The following L3MBTL4 variants were observed in gnomAD, a reference collection of about 807,000 sequenced individuals.
L3MBTL4 encodes L3MBTL histone methyl-lysine binding protein 4.
In L3MBTL4, 70 loss-of-function variants were observed where a neutral mutation model predicts 84.5. The observed-to-expected ratio is 0.83, with a 90% CI of 0.68 to 1.01. The LOEUF (loss-of-function observed/expected upper bound fraction) is 1.01. Among genes scored for constraint, L3MBTL4 ranks in the 50% least tolerant of loss-of-function variants. The probability of loss-of-function intolerance (pLI) is 0.00; values close to 1 mark genes in which losing one functional copy is unlikely to be tolerated. For synonymous variants in L3MBTL4, 274 were observed against 259.8 expected (o/e 1.05, Z -0.52); for missense variants, 715 against 754.8 (o/e 0.95, Z 0.62).
chr18:6,011,047 T>C (rs2054712243), intron 16 of L3MBTL4, among the ~76,000 whole-genome samples: 1 of 152,234 alleles, frequency 6.6e-6, no homozygotes, highest in African/African-American at 2.4e-5. Context: ...GATAATGACT[T>C]TGCTAAGTGC....
At chr18:6,257,432 C>T (rs918538116) in intron 5 of L3MBTL4, among the ~76,000 whole-genome samples, 5 of 151,236 alleles carry the variant, frequency 3.3e-5, no homozygotes, top group Admixed American at 6.6e-5. Context: ...GGTCAGGTTG[C>T]GGAGGCTGGA....
intron 4 of L3MBTL4, among the ~76,000 whole-genome samples, chr18:6,283,825 C>G (rs2049431385): frequency 6.6e-6 from 1 of 152,124 alleles, no homozygotes; most frequent in Admixed American, 6.5e-5. Flanking sequence ...AGTGGCAAAA[C>G]CAAAATTCAG....
chr18:5,975,992 A>G (rs1244521153), intron 16 of L3MBTL4, among the ~76,000 whole-genome samples: 2 of 152,240 alleles, frequency 1.3e-5, no homozygotes, highest in East Asian at 3.8e-4. Context: ...CCAATTTTAT[A>G]TAAATATGGG....
chr18:6,264,124 A>G, intron 4 of L3MBTL4, 86 bp from the exon 5 acceptor site: 1 of 963,214 alleles, frequency 1.0e-6, no homozygotes, highest in Middle Eastern at 2.2e-4. Context: ...CTCAAGAAGC[A>G]GGCTAATTAG....
chr18:6,023,679 G>GT (rs2055370168), intron 16 of L3MBTL4, among the ~76,000 whole-genome samples: 1 of 152,198 alleles, frequency 6.6e-6, no homozygotes, highest in African/African-American at 2.4e-5. Flanking sequence ...TAAAGTAATT[G>GT]TAACTGAAAA....
intron 16 of L3MBTL4, among the ~76,000 whole-genome samples, chr18:5,989,555 C>T (rs1598372467): frequency 6.6e-6 from 1 of 152,174 alleles, no homozygotes; most frequent in Non-Finnish European, 1.5e-5. Flanking sequence ...GTAGAGCAAA[C>T]ATGCAAACAA....
chr18:6,405,613 C>A (rs1185438434), intron 1 of L3MBTL4, among the ~76,000 whole-genome samples: 2 of 151,610 alleles, frequency 1.3e-5, no homozygotes, highest in East Asian at 3.9e-4. Flanking sequence ...AGCCCGAGGG[C>A]CCACTAAACA....
chr18:6,117,628 T>C (rs986277976), intron 14 of L3MBTL4, among the ~76,000 whole-genome samples: 1 of 152,244 alleles, frequency 6.6e-6, no homozygotes, highest in Admixed American at 6.5e-5. Context: ...AGATAGCTGA[T>C]CCTTCTGAAC....
chr18:6,022,426 T>G (rs1328798191), intron 16 of L3MBTL4, among the ~76,000 whole-genome samples: 1 of 152,242 alleles, frequency 6.6e-6, no homozygotes, highest in Non-Finnish European at 1.5e-5. Context: ...TCCACAATGC[T>G]TTTAAAGTCA....
chr18:6,044,702 AT>A (rs1174067789), intron 16 of L3MBTL4, among the ~76,000 whole-genome samples: 2 of 152,212 alleles, frequency 1.3e-5, no homozygotes, highest in African/African-American at 4.8e-5. Flanking sequence ...GAAGAAAAAA[AT>A]ATGAGTCATC....
chr18:6,214,839 T>C (rs2046258036), intron 11 of L3MBTL4, among the ~76,000 whole-genome samples: 1 of 152,162 alleles, frequency 6.6e-6, no homozygotes, highest in Admixed American at 6.5e-5. Context: ...TTAGCTACTT[T>C]TCAGAATTTT....
intron 12 of L3MBTL4, among the ~76,000 whole-genome samples, chr18:6,175,185 C>G (rs764911960): frequency 1.3e-5 from 2 of 152,102 alleles, no homozygotes; most frequent in Non-Finnish European, 2.9e-5. Flanking sequence ...CAACCGGACA[C>G]AATGCAACAC....
intron 13 of L3MBTL4, among the ~76,000 whole-genome samples, chr18:6,167,357 T>C (rs2043725170): frequency 1.3e-5 from 2 of 152,176 alleles, no homozygotes; most frequent in Non-Finnish European, 1.5e-5. Flanking sequence ...TACCAAAGCC[T>C]GGCAGAGACA....
At chr18:6,101,765 T>C (rs951618035) in intron 14 of L3MBTL4, among the ~76,000 whole-genome samples, 2 of 152,244 alleles carry the variant, frequency 1.3e-5, no homozygotes, top group African/African-American at 4.8e-5. Context: ...CTAATTTATC[T>C]TTCTATAATT....
intron 14 of L3MBTL4, among the ~76,000 whole-genome samples, chr18:6,129,160 T>C (rs2059794232): frequency 6.6e-6 from 1 of 152,138 alleles, no homozygotes. Context: ...AACGATTACA[T>C]GTAAAGTCAG....
intron 13 of L3MBTL4, among the ~76,000 whole-genome samples, chr18:6,151,471 C>A (rs144468785): frequency 0.013 from 2,010 of 152,290 alleles, 46 homozygotes; most frequent in African/African-American, 0.045. Flanking sequence ...CGACTCACTG[C>A]AACCTCTGCC....
intron 1 of L3MBTL4, among the ~76,000 whole-genome samples, chr18:6,362,061 A>G (rs1232259113): frequency 6.7e-6 from 1 of 150,012 alleles, no homozygotes; most frequent in African/African-American, 2.5e-5. Context: ...GTGAGCCATG[A>G]TCACACCACT....
At chr18:6,267,909 G>A (rs773564246) in intron 4 of L3MBTL4, among the ~76,000 whole-genome samples, 1 of 152,144 alleles carries the variant, frequency 6.6e-6, no homozygotes, top group African/African-American at 2.4e-5. Context: ...CTGTAGACGG[G>A]TCCTCCCTGG....
intron 5 of L3MBTL4, among the ~76,000 whole-genome samples, chr18:6,263,583 G>C (rs933359522): frequency 3.9e-5 from 6 of 152,148 alleles, no homozygotes; most frequent in African/African-American, 1.4e-4. Context: ...CTGGCTAATA[G>C]AAGTAAAACC....
Sources: gnomAD v4.1 joint callset for allele counts (sites outside exome capture counted in the v4.1 genomes callset) on GRCh38, gnomAD v4.1.1 for gene constraint, MANE v1.5 for transcripts, NCBI Gene and HGNC (gene_info 2026-07-23, HGNC 2026-07-21) for gene names.